GUCY1A2: variants seen among roughly 807,000 people sequenced by gnomAD.
GUCY1A2 encodes the protein guanylate cyclase 1 soluble subunit alpha 2.
Under a neutral mutation model 63.5 loss-of-function variants are expected in GUCY1A2, and 27 were observed. That is an observed-to-expected ratio of 0.43 (90% CI 0.31 to 0.59). GUCY1A2 has a LOEUF of 0.59. Ranked by LOEUF, GUCY1A2 falls within the 20% of genes least tolerant of loss-of-function variation. The probability of loss-of-function intolerance (pLI) is 0.11; values close to 1 mark genes in which losing one functional copy is unlikely to be tolerated. For synonymous variants in GUCY1A2, 364 were observed against 343.5 expected (o/e 1.06, Z -0.66); for missense variants, 768 against 913.3 (o/e 0.84, Z 2.05).
chr11:106,924,936 G>A (rs1256222231), intron 4 of GUCY1A2, among the ~76,000 whole-genome samples: 1 of 152,116 alleles, frequency 6.6e-6, no homozygotes, highest in Non-Finnish European at 1.5e-5. Context: ...AGGCTGGGGA[G>A]GTCGAGGCTG....
rs903014601 is a variant in GUCY1A2 at position 106,676,039 on chromosome 11, G to GT, written c.*11509dup. 1.6e-5 allele frequency: 3 copies of GT among 184,446 alleles called. No individual in the cohort carries two copies. The highest frequency in any genetic ancestry group is 2.0e-4 in the South Asian group (1 of 5,098). The allele number at this position is 184,446 out of a possible 1,614,324, so 11.4% of individuals were successfully genotyped here. On this transcript the variant is annotated 3_prime_UTR_variant, in exon 8 of 8. Coordinates refer to ENST00000526355, the MANE Select transcript of GUCY1A2 (RefSeq NM_000855.3). The stretch of plus-strand genomic sequence containing the variant: ...ATCTTTCCACAGAGGAACAAATCAT[G>GT]TTTTTTTCTGTATAATTTTCTATTA...
chr11:106,999,958 G>A (rs755928187), intron 1 of GUCY1A2, among the ~76,000 whole-genome samples: 3 of 151,850 alleles, frequency 2.0e-5, no homozygotes, highest in Non-Finnish European at 2.9e-5. Flanking sequence ...TCCCTCACCC[G>A]CAACCCAAGA....
chr11:106,740,905 T>C (rs2135378726), intron 6 of GUCY1A2, among the ~76,000 whole-genome samples: 1 of 152,274 alleles, frequency 6.6e-6, no homozygotes, highest in Non-Finnish European at 1.5e-5. Context: ...ACTCCCAACC[T>C]CAGGTGATCC....
intron 4 of GUCY1A2, among the ~76,000 whole-genome samples, chr11:106,909,191 A>C (rs184260252): frequency 6.6e-6 from 1 of 152,088 alleles, no homozygotes; most frequent in African/African-American, 2.4e-5. Flanking sequence ...TTTTGAGATA[A>C]TTATAAATTC....
At chr11:106,791,108 A>C (rs1443104453) in intron 5 of GUCY1A2, among the ~76,000 whole-genome samples, 1 of 152,180 alleles carries the variant, frequency 6.6e-6, no homozygotes. Flanking sequence ...ACTCCAGAGC[A>C]CTTTAGTCCA....
chr11:106,803,979 A>G (rs1380091889), intron 5 of GUCY1A2, among the ~76,000 whole-genome samples: 6 of 152,246 alleles, frequency 3.9e-5, no homozygotes, highest in Non-Finnish European at 7.3e-5. Context: ...CTGCCATAGA[A>G]AAGCTATTGG....
intron 4 of GUCY1A2, among the ~76,000 whole-genome samples, chr11:106,815,803 C>A (rs1019345198): frequency 6.6e-6 from 1 of 151,622 alleles, no homozygotes; most frequent in Non-Finnish European, 1.5e-5. Context: ...CACACACACA[C>A]CACACACAAA....
intron 1 of GUCY1A2, among the ~76,000 whole-genome samples, chr11:107,004,281 G>A (rs530638521): frequency 2.6e-5 from 4 of 152,194 alleles, no homozygotes; most frequent in African/African-American, 9.6e-5. Context: ...CCTTATTTCC[G>A]TCAGTAATTA....
chr11:106,735,262 G>A (rs1229595039), intron 6 of GUCY1A2, among the ~76,000 whole-genome samples: 5 of 152,038 alleles, frequency 3.3e-5, no homozygotes, highest in East Asian at 3.9e-4. Context: ...TTGTTGTACC[G>A]ATTAGCCAAC....
chr11:106,879,975 C>T (rs1226963821), intron 4 of GUCY1A2, among the ~76,000 whole-genome samples: 1 of 152,034 alleles, frequency 6.6e-6, no homozygotes, highest in African/African-American at 2.4e-5. Flanking sequence ...ACAGCAATGA[C>T]GACTTAACCA....
rs1351852904 is a variant in GUCY1A2, at chr11:106,827,845, C to A, written c.1207-17367G>T. On this transcript the variant is annotated intron_variant, in intron 4 of 7. Transcript: ENST00000526355. ...GTGACGCCCGCGATGCCGCCGCCGA[C>A]CACCATGAACTTCCCTGCAGTCATG... is the stretch of plus-strand genomic sequence containing the variant. 1.9e-6 allele frequency: 3 copies of A among 1,600,480 alleles called. No homozygotes were observed. In the Admixed American group the frequency reaches 5.0e-5, roughly 27 times the overall value.
chr11:106,912,748 A>G (rs1860313009), intron 4 of GUCY1A2, among the ~76,000 whole-genome samples: 1 of 152,154 alleles, frequency 6.6e-6, no homozygotes, highest in South Asian at 2.1e-4. Context: ...CCTATAAAGA[A>G]AAAAGAACAG....
In GUCY1A2 at chr11:106,780,740, T is replaced by C. The variant is rs370872240; in HGVS notation, c.1693-4158A>G. 2.6e-5 allele frequency among the ~76,000 whole-genome samples: 4 copies of C among 152,284 alleles called. No homozygotes were observed. The East Asian group carries it at 5.8e-4, about 22-fold the overall frequency. On this transcript the variant is annotated intron_variant, in intron 5 of 7. Transcript: ENST00000526355. ...ATAAATAATCACACATTCTCTAATA[T>C]CAAAATGTCTGGAAAGTTTAAGTAA...
chr11:106,714,080 T>C (rs1280496033), intron 6 of GUCY1A2, among the ~76,000 whole-genome samples: 4 of 151,936 alleles, frequency 2.6e-5, no homozygotes, highest in African/African-American at 9.7e-5. Flanking sequence ...GCTTATCTAG[T>C]TCTATTTCTG....
In GUCY1A2 at chr11:106,682,529, T is replaced by G. The variant is rs1259489795; in HGVS notation, c.*5020A>C. 4.7e-6 allele frequency: 1 copy of G among 210,846 alleles called. No homozygotes were observed. Among genetic ancestry groups the G allele is most frequent in the Non-Finnish European group, 9.6e-6 (1 of 103,858 alleles). 13.1% of individuals were successfully genotyped at this position (210,846 alleles called of 1,614,324 possible). A position where few individuals can be genotyped will look rare whatever the true frequency, so the allele number is the denominator to read the frequency against. On this transcript the variant is annotated 3_prime_UTR_variant, in exon 8 of 8. Transcript: ENST00000526355. ...AAGCAGATCAGCTGAACCACTGAACTAGGTCATTTCTTAAGGATGGGATGG... is the reference window on the plus strand; with the variant it reads ...AAGCAGATCAGCTGAACCACTGAACGAGGTCATTTCTTAAGGATGGGATGG...
Position 106,842,786 on chromosome 11 carries a change from G to A in GUCY1A2, c.1207-32308C>T, listed in dbSNP as rs778099318. On this transcript the variant is annotated intron_variant, in intron 4 of 7. Transcript: ENST00000526355. ...CTGTTAGAATGTAGATTTTGATTTA[G>A]TAGGTCCCACTGGAGCTTGTGATTC... Among the ~76,000 whole-genome samples the A allele has an allele frequency of 2.0e-5, 3 of 151,926 alleles. No homozygotes were observed. In the South Asian group the frequency reaches 6.2e-4, roughly 31 times the overall value.
intron 4 of GUCY1A2, among the ~76,000 whole-genome samples, chr11:106,908,751 G>A (rs1266010174): frequency 1.3e-5 from 2 of 152,060 alleles, no homozygotes; most frequent in East Asian, 3.9e-4. Context: ...AAATAGGTAC[G>A]ACCAGTTCTT....
chr11:106,775,616 G>A (rs1380258637), intron 6 of GUCY1A2, among the ~76,000 whole-genome samples: 2 of 151,706 alleles, frequency 1.3e-5, no homozygotes, highest in Admixed American at 6.6e-5. Flanking sequence ...TAATCAGATG[G>A]ATTGTTCAGT....
At chr11:106,957,855 CTTTTTTTT>C (rs59519013) in intron 3 of GUCY1A2, among the ~76,000 whole-genome samples, 25,844 of 86,302 alleles carry the variant, frequency 0.3, 4,522 homozygotes, top group Non-Finnish European at 0.35. Flanking sequence ...AAGGGACAAA[CTTTTTTTT>C]TTTTTTTTTT....
Sources: gnomAD v4.1 joint callset for allele counts (sites outside exome capture counted in the v4.1 genomes callset) on GRCh38, gnomAD v4.1.1 for gene constraint, MANE v1.5 for transcripts, NCBI Gene and HGNC (gene_info 2026-07-23, HGNC 2026-07-21) for gene names.